The following CNTN6 variants were observed in gnomAD, a reference collection of about 807,000 sequenced individuals.
CNTN6 encodes contactin-6.
A neutral mutation model predicts 122.8 loss-of-function variants in CNTN6; 137 were observed. That is an observed-to-expected ratio of 1.12 (90% CI 0.97 to 1.29). The LOEUF is 1.29. Among genes scored for constraint, CNTN6 ranks in the 50% most tolerant of loss-of-function variants. The probability of loss-of-function intolerance (pLI) is 0.00; values close to 1 mark genes in which losing one functional copy is unlikely to be tolerated. For missense variants in CNTN6, 1,634 were observed against 1,223.4 expected (o/e 1.34, Z -5.01); for synonymous variants, 570 against 426.0 (o/e 1.34, Z -4.16).
At chr3:1,167,714 T>C (rs1326451110) in intron 2 of CNTN6, among the ~76,000 whole-genome samples, 1 of 152,122 alleles carries the variant, frequency 6.6e-6, no homozygotes, top group Non-Finnish European at 1.5e-5. Flanking sequence ...AGTGAGCCAG[T>C]GGTGGAACTG....
At chr3:1,101,827 T>C (rs1422541652) in intron 1 of CNTN6, among the ~76,000 whole-genome samples, 1 of 152,192 alleles carries the variant, frequency 6.6e-6, no homozygotes, top group East Asian at 1.9e-4. Flanking sequence ...ATATATTCTT[T>C]GGGAGTGGCA....
At chr3:1,297,009 G>T (rs495631) in intron 6 of CNTN6, among the ~76,000 whole-genome samples, 69,153 of 151,732 alleles carry the variant, frequency 0.46, 19,484 homozygotes, top group African/African-American at 0.81. Flanking sequence ...AAAGTGAGCA[G>T]GTAGGAAATA....
rs144796653 is a variant in CNTN6 at position 1,189,355 on chromosome 3, A to T, written c.56-31332A>T. ...GAAAGGAGGAGGGGAGAAGTCTTAA[A>T]TGAAGAAATGCATTTATACAAAACA... On this transcript the variant is annotated intron_variant, in intron 2 of 22. Coordinates refer to ENST00000446702, the MANE Select transcript of CNTN6 (RefSeq NM_001289080.2). Among the ~76,000 whole-genome samples, 230 of 152,340 alleles carry T rather than the reference A, an allele frequency of 1.5e-3. 1 individual carries two copies. The highest frequency in any genetic ancestry group is 5.3e-3 in the African/African-American group (222 of 41,574).
At chr3:1,277,342 TTTTC>T (rs1692559516) in intron 4 of CNTN6, among the ~76,000 whole-genome samples, 8 of 89,788 alleles carry the variant, frequency 8.9e-5, no homozygotes, top group Non-Finnish European at 1.5e-4. Context: ...TTTTAGTAGG[TTTTC>T]TTTTTTTTTT....
chr3:1,227,968 T>C lies in CNTN6; in HGVS notation c.333T>C (p.Ser111=). 1.2e-6 allele frequency: 2 copies of C among 1,613,450 alleles called. No individual in the cohort carries two copies. The highest frequency in any genetic ancestry group is 1.7e-6 in the Non-Finnish European group (2 of 1,179,778). Residue 111 remains serine, a synonymous_variant, in exon 4 of 23, where the codon AGT becomes AGC. Coordinates refer to ENST00000446702, the MANE Select transcript of CNTN6 (RefSeq NM_001289080.2). ...LATNLLGTIL[S]RKAKLQFAYI... ...CCAATCTTCTGGGGACAATTCTGAG[T>C]CGGAAGGCAAAGCTCCAATTTGCAT...
chr3:1,248,489 A>G (rs769843197), intron 4 of CNTN6, among the ~76,000 whole-genome samples: 4 of 152,206 alleles, frequency 2.6e-5, no homozygotes, highest in South Asian at 2.1e-4. Flanking sequence ...TCAATTTTAT[A>G]TATAAGGAAA....
At chr3:1,101,421 T>C (rs974270258) in intron 1 of CNTN6, among the ~76,000 whole-genome samples, 1 of 152,222 alleles carries the variant, frequency 6.6e-6, no homozygotes, top group Non-Finnish European at 1.5e-5. Flanking sequence ...TACATGTGTT[T>C]GTAGTGGAAA....
intron 2 of CNTN6, among the ~76,000 whole-genome samples, chr3:1,168,836 C>G (rs547809771): frequency 3.6e-4 from 55 of 152,304 alleles, no homozygotes; most frequent in African/African-American, 1.3e-3. Flanking sequence ...ATTCTAGAAG[C>G]ATCTGGTCTA....
chr3:1,119,322 C>CGTGTGTGTGTGT (rs369235352), intron 1 of CNTN6, among the ~76,000 whole-genome samples: 1,415 of 126,526 alleles, frequency 0.011, 22 homozygotes, highest in East Asian at 0.039. Flanking sequence ...ACAGAAAAAT[C>CGTGTGTGTGTGT]GTGTGTGTGT....
chr3:1,302,659 C>T (rs1017539158), intron 7 of CNTN6, among the ~76,000 whole-genome samples: 4 of 151,882 alleles, frequency 2.6e-5, no homozygotes, highest in African/African-American at 9.7e-5. Context: ...TTTAATGTAC[C>T]CCATACATGT....
chr3:1,127,982 A>G (rs965341497), intron 1 of CNTN6, among the ~76,000 whole-genome samples: 24 of 151,898 alleles, frequency 1.6e-4, no homozygotes, highest in African/African-American at 5.8e-4. Flanking sequence ...CTACAGTTTC[A>G]AAGTTTTGTA....
chr3:1,402,004 T>C (rs1001182964), intron 21 of CNTN6, among the ~76,000 whole-genome samples: 2 of 152,058 alleles, frequency 1.3e-5, no homozygotes, highest in East Asian at 1.9e-4. Context: ...TTGGCAGACA[T>C]ATATTCAACA....
At chr3:1,322,372 G>A (rs1211459768) in intron 8 of CNTN6, among the ~76,000 whole-genome samples, 1 of 151,646 alleles carries the variant, frequency 6.6e-6, no homozygotes, top group Admixed American at 6.6e-5. Context: ...GAGAGACGAT[G>A]AATGCATATA....
chr3:1,207,590 C>T (rs1358129868), intron 2 of CNTN6, among the ~76,000 whole-genome samples: 1 of 152,056 alleles, frequency 6.6e-6, no homozygotes, highest in African/African-American at 2.4e-5. Context: ...TTCTAGCTCC[C>T]TTACCCTTTA....
chr3:1,291,621 A>T (rs1036227500), intron 5 of CNTN6, among the ~76,000 whole-genome samples: 52 of 152,348 alleles, frequency 3.4e-4, no homozygotes, highest in African/African-American at 1.2e-3. Context: ...AAAGATGAGG[A>T]GTCAATGACA....
intron 2 of CNTN6, among the ~76,000 whole-genome samples, chr3:1,166,320 CAGATAACACA>C (rs539831592): frequency 1.3e-5 from 2 of 152,200 alleles, no homozygotes; most frequent in South Asian, 4.1e-4. Flanking sequence ...CAATGTCATT[CAGATAACACA>C]AGAGTACCCG....
At chr3:1,124,732 C>T (rs2092096567) in intron 1 of CNTN6, among the ~76,000 whole-genome samples, 1 of 151,820 alleles carries the variant, frequency 6.6e-6, no homozygotes, top group African/African-American at 2.4e-5. Context: ...TTCTTCACTC[C>T]CCAACATCAT....
intron 1 of CNTN6, among the ~76,000 whole-genome samples, chr3:1,099,349 G>T (rs952086375): frequency 2.0e-5 from 3 of 151,946 alleles, no homozygotes; most frequent in African/African-American, 7.2e-5. Context: ...TACTGGGGAG[G>T]CTGAGGCGGG....
chr3:1,118,870 A>C (rs1042351164), intron 1 of CNTN6, among the ~76,000 whole-genome samples: 15 of 152,094 alleles, frequency 9.9e-5, no homozygotes, highest in Non-Finnish European at 1.9e-4. Flanking sequence ...AAAAAAAAAA[A>C]ACAAACAAAA....
Sources: allele counts gnomAD v4.1 joint callset (sites outside exome capture counted in the v4.1 genomes callset), GRCh38; gene constraint gnomAD v4.1.1; transcripts MANE v1.5; gene names NCBI Gene and HGNC (gene_info 2026-07-23, HGNC 2026-07-21).